Variants in LYPLAL1 observed in about 807,000 individuals in gnomAD.
LYPLAL1 encodes the protein lysophospholipase-like protein 1.
A neutral mutation model predicts 19.7 loss-of-function variants in LYPLAL1; 23 were observed. The ratio of observed to expected loss-of-function variants is 1.17; its 90% confidence interval spans 0.84 to 1.65. The LOEUF is 1.65. Ranked by LOEUF, LYPLAL1 falls within the 40% of genes most tolerant of loss-of-function variation. LYPLAL1 has a pLI of 0.00. For missense variants in LYPLAL1, 355 were observed against 279.4 expected (o/e 1.27, Z -1.93); for synonymous variants, 119 against 96.3 (o/e 1.24, Z -1.38).
the LYPLAL1 span, among the ~76,000 whole-genome samples, chr1:219,401,087 A>G: frequency 2.0e-5 from 3 of 152,148 alleles, no homozygotes; most frequent in East Asian, 5.8e-4. Context: ...AAAGAAATAT[A>G]TAGTGGGGTT....
At chr1:219,437,967 A>G in the LYPLAL1 span, among the ~76,000 whole-genome samples, 7 of 151,880 alleles carry the variant, frequency 4.6e-5, no homozygotes, top group Non-Finnish European at 8.8e-5. Flanking sequence ...GGGTTTCACC[A>G]TGTTGGCTAG....
At chr1:219,190,708 T>C (rs1343033546) in intron 2 of LYPLAL1, among the ~76,000 whole-genome samples, 3 of 143,102 alleles carry the variant, frequency 2.1e-5, no homozygotes, top group Non-Finnish European at 3.0e-5. Context: ...ACCTGAAATA[T>C]ATGCAACAAA....
the LYPLAL1 span, among the ~76,000 whole-genome samples, chr1:219,410,898 C>G: frequency 6.6e-6 from 1 of 152,246 alleles, no homozygotes; most frequent in Non-Finnish European, 1.5e-5. Context: ...CGGGGCAGGG[C>G]TCGGGACCTG....
chr1:219,402,690 A>G, the LYPLAL1 span, among the ~76,000 whole-genome samples: 2 of 151,494 alleles, frequency 1.3e-5, no homozygotes, highest in Non-Finnish European at 2.9e-5. Context: ...TTTTTATTGT[A>G]TAGTATGCAT....
the LYPLAL1 span, among the ~76,000 whole-genome samples, chr1:219,404,896 C>G: frequency 6.6e-6 from 1 of 152,138 alleles, no homozygotes. Context: ...ACACCACGTC[C>G]TTTTTACAAT....
At chr1:219,261,388 A>G in the LYPLAL1 span, among the ~76,000 whole-genome samples, 1 of 152,180 alleles carries the variant, frequency 6.6e-6, no homozygotes. Flanking sequence ...GGGCTCCAGG[A>G]TAGCAACAAC....
the LYPLAL1 span, among the ~76,000 whole-genome samples, chr1:219,420,143 T>C: frequency 1.3e-5 from 2 of 152,218 alleles, no homozygotes; most frequent in African/African-American, 4.8e-5. Context: ...AGGAAAGGAA[T>C]TGACTTGTGA....
chr1:219,435,736 G>A, the LYPLAL1 span, among the ~76,000 whole-genome samples: 8 of 152,040 alleles, frequency 5.3e-5, no homozygotes, highest in Non-Finnish European at 1.0e-4. Context: ...TGAGGCAGGA[G>A]AATCACTTGA....
the LYPLAL1 span, among the ~76,000 whole-genome samples, chr1:219,426,447 A>G: frequency 0.013 from 1,968 of 152,324 alleles, 38 homozygotes; most frequent in African/African-American, 0.045. Flanking sequence ...GTGTTTTTAA[A>G]GTACTAGCTG....
chr1:219,224,519 CCA>C, the LYPLAL1 span, among the ~76,000 whole-genome samples: 1 of 152,014 alleles, frequency 6.6e-6, no homozygotes, highest in Non-Finnish European at 1.5e-5. Flanking sequence ...AAACAGAGAT[CCA>C]AAGAACAGCG....
the LYPLAL1 span, among the ~76,000 whole-genome samples, chr1:219,429,064 T>G: frequency 6.6e-6 from 1 of 152,202 alleles, no homozygotes; most frequent in East Asian, 1.9e-4. Context: ...AGCGTATTTC[T>G]TGTGTTGCTT....
At chr1:219,414,732 T>C in the LYPLAL1 span, among the ~76,000 whole-genome samples, 7 of 152,236 alleles carry the variant, frequency 4.6e-5, no homozygotes, top group East Asian at 1.9e-4. Flanking sequence ...ATTAAAACTT[T>C]AGAGAAATCT....
chr1:219,274,961 A>G, the LYPLAL1 span, among the ~76,000 whole-genome samples: 14 of 152,120 alleles, frequency 9.2e-5, no homozygotes, highest in African/African-American at 3.4e-4. Flanking sequence ...GTATCACCCA[A>G]TCAATACGAG....
the LYPLAL1 span, among the ~76,000 whole-genome samples, chr1:219,291,721 T>C: frequency 1.3e-5 from 2 of 152,230 alleles, no homozygotes; most frequent in East Asian, 3.9e-4. Flanking sequence ...TTTTCTTCTA[T>C]GCACCTAGAT....
the LYPLAL1 span, among the ~76,000 whole-genome samples, chr1:219,294,643 T>C: frequency 5.3e-4 from 81 of 152,358 alleles, 1 homozygote; most frequent in South Asian, 0.017. Context: ...GCTCAAACTC[T>C]TTGTGATGAC....
chr1:219,284,060 A>C, the LYPLAL1 span, among the ~76,000 whole-genome samples: 2 of 152,144 alleles, frequency 1.3e-5, no homozygotes, highest in Non-Finnish European at 2.9e-5. Context: ...ATAGTGAGTA[A>C]GTTCTCAGGA....
intron 1 of LYPLAL1, among the ~76,000 whole-genome samples, chr1:219,177,635 C>G (rs1200229304): frequency 1.3e-5 from 2 of 152,174 alleles, no homozygotes; most frequent in Admixed American, 6.5e-5. Flanking sequence ...ACTGTTGACC[C>G]TTTATAACAA....
At chr1:219,255,084 C>A in the LYPLAL1 span, among the ~76,000 whole-genome samples, 23 of 151,692 alleles carry the variant, frequency 1.5e-4, no homozygotes, top group Admixed American at 5.3e-4. Context: ...CTAAAGAAAG[C>A]CTTGACTTTT....
the LYPLAL1 span, among the ~76,000 whole-genome samples, chr1:219,228,664 A>AT: frequency 6.6e-6 from 1 of 151,244 alleles, no homozygotes; most frequent in Non-Finnish European, 1.5e-5. Context: ...TAAGCACTTT[A>AT]TTTATTTTAT....
Sources: gnomAD v4.1 joint callset for allele counts (sites outside exome capture counted in the v4.1 genomes callset) on GRCh38, gnomAD v4.1.1 for gene constraint, MANE v1.5 for transcripts, NCBI Gene and HGNC (gene_info 2026-07-23, HGNC 2026-07-21) for gene names.